Variants in DHRS2 observed in about 807,000 individuals in gnomAD.
DHRS2 encodes dehydrogenase/reductase SDR family member 2, mitochondrial.
In DHRS2, 29 loss-of-function variants were observed where a neutral mutation model predicts 26.3. The ratio of observed to expected loss-of-function variants is 1.10; its 90% CI spans 0.82 to 1.50. The LOEUF is 1.50. DHRS2 is among the 40% of genes most tolerant of loss of function. The pLI, the probability that DHRS2 is intolerant of heterozygous loss-of-function variation, is 0.00. For synonymous variants in DHRS2, 164 were observed against 151.3 expected, an observed-to-expected ratio of 1.08 and a Z score of -0.62; for missense variants, 439 against 367.1, an observed-to-expected ratio of 1.20 and a Z score of -1.60.
At chr14:23,640,425 G>C (rs2138382971) in intron 4 of DHRS2, 2 of 985,472 alleles carry the variant, frequency 2.0e-6, no homozygotes, top group Non-Finnish European at 2.4e-6. Flanking sequence ...AGACATCCCA[G>C]CCTGCTGTAA....
At chr14:23,641,293 C>T (rs908364645) in intron 4 of DHRS2, 4 of 177,978 alleles carry the variant, frequency 2.2e-5, no homozygotes, top group Non-Finnish European at 4.8e-5. Flanking sequence ...TCCAGGCAGA[C>T]CCCCCTTCTT....
At chr14:23,639,060 A>G in intron 2 of DHRS2, 56 bp downstream of exon 2, 3 of 1,599,294 alleles carry the variant, frequency 1.9e-6, no homozygotes, top group East Asian at 4.5e-5. Context: ...TGTGGCTTCC[A>G]CAAGGACTCA....
chr14:23,645,241 C>A lies in DHRS2; in HGVS notation c.831C>A (p.Ser277=). ...NGENIAVAGY[S]TRL Reference sequence around the variant, plus strand: ...AGAACATTGCGGTGGCAGGCTACTCCACTCGGCTCTGAGAGGAGTGGGGGC... The same window carrying A: ...AGAACATTGCGGTGGCAGGCTACTCAACTCGGCTCTGAGAGGAGTGGGGGC... The change falls in exon 9 of 9, where the codon TCC becomes TCA. Residue 277 remains serine (S), a synonymous_variant. Transcript: ENST00000250383. 6.2e-7 allele frequency: 1 copy of A among 1,614,172 alleles called. No homozygotes were observed. Among genetic ancestry groups the A allele is most frequent in the Non-Finnish European group, 8.5e-7 (1 of 1,180,038 alleles).
At position 23,636,505 on chromosome 14, in the gene DHRS2, C is replaced by T. The variant is rs897381703; in HGVS notation, c.-306C>T. On this transcript the variant is annotated 5_prime_UTR_variant, in exon 1 of 9. Coordinates refer to ENST00000250383, the MANE Select transcript of DHRS2 (RefSeq NM_005794.4). ...CACCGCGAAGGTCTGCAACTTCACT[C>T]CTGGGGCCAGCAAGACCACGAATGC... 2.0e-5 allele frequency: 3 copies of T among 152,294 alleles called. No homozygotes were observed. Among genetic ancestry groups the T allele is most frequent in the Non-Finnish European group, 4.4e-5 (3 of 68,132 alleles). The allele number at this position is 152,294 out of a possible 1,614,324, so 9.4% of individuals were successfully genotyped here.
In DHRS2 at chr14:23,644,965, G is replaced by A. The variant is rs752478303; in HGVS notation, c.731+83G>A. ...CTATTGCAAGAGCAGACCCCTCCCT[G>A]TCATCTGGCCATTGTTTTTGCTGAA... is the stretch of plus-strand genomic sequence containing the variant. On this transcript the variant is annotated intron_variant, in intron 8 of 8. Transcript: ENST00000250383. The A allele has an allele frequency of 2.6e-6, 4 of 1,567,200 alleles. No homozygotes were observed. The East Asian group carries it at 9.0e-5, about 35-fold the overall frequency.
intron 5 of DHRS2, 174 bp from the exon 6 acceptor site, chr14:23,643,937 G>A (rs762778898): frequency 3.0e-6 from 2 of 659,412 alleles, no homozygotes; most frequent in Non-Finnish European, 5.5e-6. Flanking sequence ...GCTCTGCCGT[G>A]TATTGGCTGG....
intron 3 of DHRS2, 29 bp downstream of exon 3, chr14:23,639,385 G>C (rs1218791928): frequency 6.5e-7 from 1 of 1,546,678 alleles, no homozygotes; most frequent in East Asian, 2.3e-5. Flanking sequence ...GAAGGACACA[G>C]AGAGGGGAAC....
intron 4 of DHRS2, chr14:23,641,826 G>T: frequency 7.9e-7 from 1 of 1,261,878 alleles, no homozygotes; most frequent in South Asian, 1.3e-5. Flanking sequence ...AGTGAGATTG[G>T]GGGGTGGAAA....
chr14:23,643,055 C>G (rs540179118), intron 4 of DHRS2, 97 bp from the exon 5 acceptor site: 3 of 1,182,130 alleles, frequency 2.5e-6, no homozygotes, highest in Non-Finnish European at 3.8e-6. Context: ...TACATTGGGT[C>G]TACTGCACAA....
rs749663977 is a variant in DHRS2 at position 23,643,203 on chromosome 14, C to A, written c.472C>A (p.Pro158Thr). ...SPALLLSQLL[P>T]YMENRRGAVI... ...AGCCCTGCTGCTGAGCCAGTTGCTG[C>A]CCTACATGGAGAACAGGTATGGCAG... is the stretch of plus-strand genomic sequence containing the variant. Residue 158 changes from proline to threonine, a missense_variant, in exon 5 of 9, where the codon CCC (proline) becomes ACC (threonine). By Grantham distance (38) the Pro-to-Thr change is conservative. Coordinates refer to ENST00000250383, the MANE Select transcript of DHRS2 (RefSeq NM_005794.4). 1.2e-6 allele frequency: 2 copies of A among 1,613,900 alleles called. No individual in the cohort carries two copies. Among genetic ancestry groups the A allele is most frequent in the African/African-American group, 2.7e-5 (2 of 74,926 alleles).
chr14:23,638,816 C>A lies in DHRS2; in HGVS notation c.-38-11C>A, dbSNP rs759092326. 1.3e-6 allele frequency: 2 copies of A among 1,588,758 alleles called. No individual in the cohort carries two copies. The highest frequency in any genetic ancestry group is 1.7e-6 in the Non-Finnish European group (2 of 1,164,652). Reference sequence around the variant, plus strand: ...GCATCAGTGATAAGTGAAATTGATTCTTTCCCCCAGGCCTGATTCAGCAGG... The same window carrying A: ...GCATCAGTGATAAGTGAAATTGATTATTTCCCCCAGGCCTGATTCAGCAGG... On this transcript the variant is annotated splice_polypyrimidine_tract_variant and intron_variant, in intron 1 of 8. Transcript: ENST00000250383.
rs370661385 is a variant in DHRS2, at chr14:23,639,166, T to C, written c.141-13T>C. 1 of 1,611,692 alleles carries C rather than the reference T, an allele frequency of 6.2e-7. No individual in the cohort carries two copies. Among genetic ancestry groups the C allele is most frequent in the African/African-American group, 1.3e-5 (1 of 74,890 alleles). Reference sequence around the variant, plus strand: ...GGCTGAGGCTGACTTTTGCCCTCCATCTCTGCATTCAGGATCGGCTTTGCC... The same window carrying C: ...GGCTGAGGCTGACTTTTGCCCTCCACCTCTGCATTCAGGATCGGCTTTGCC... On this transcript the variant is annotated splice_polypyrimidine_tract_variant and intron_variant, in intron 2 of 8. Transcript: ENST00000250383.
At chr14:23,639,756 C>T (rs1304644751) in intron 3 of DHRS2, 38 bp from the exon 4 acceptor site, 1 of 1,563,422 alleles carries the variant, frequency 6.4e-7, no homozygotes. Flanking sequence ...TAGTCCTCCT[C>T]AGGCCATCTC....
At chr14:23,642,596 TC>T (rs2138389613) in intron 4 of DHRS2, 1 of 153,306 alleles carries the variant, frequency 6.5e-6, no homozygotes, top group African/African-American at 2.4e-5. Context: ...AGACAGGGTC[TC>T]ACTCTGTCAC....
At chr14:23,644,319 G>A (rs1890785823) in intron 6 of DHRS2, 90 bp from the exon 7 acceptor site, 1 of 1,583,574 alleles carries the variant, frequency 6.3e-7, no homozygotes, top group Non-Finnish European at 8.7e-7. Context: ...GAGGGCTGCT[G>A]GGCCTGTGAG....
At chr14:23,640,508 C>A in intron 4 of DHRS2, 1 of 908,992 alleles carries the variant, frequency 1.1e-6, no homozygotes, top group Non-Finnish European at 1.3e-6. Flanking sequence ...TGAAGCTCAT[C>A]TTGGGCCTAG....
At chr14:23,639,060 A>C in intron 2 of DHRS2, 56 bp downstream of exon 2, 2 of 1,599,294 alleles carry the variant, frequency 1.3e-6, no homozygotes, top group Non-Finnish European at 1.7e-6. Flanking sequence ...TGTGGCTTCC[A>C]CAAGGACTCA....
At chr14:23,635,129 C>G (rs1312397066), upstream of DHRS2, among the ~76,000 whole-genome samples, 2 of 151,890 alleles carry the variant, frequency 1.3e-5, no homozygotes, top group African/African-American at 4.8e-5. Context: ...GTGGTGCAAT[C>G]TCAGCCTACC....
chr14:23,637,742 G>A (rs1460334489), intron 1 of DHRS2, among the ~76,000 whole-genome samples: 1 of 152,186 alleles, frequency 6.6e-6, no homozygotes, highest in Non-Finnish European at 1.5e-5. Context: ...TGGGGACTTG[G>A]AGAACTTTTG....
Sources: gnomAD v4.1 joint callset for allele counts (sites outside exome capture counted in the v4.1 genomes callset) on GRCh38, gnomAD v4.1.1 for gene constraint, MANE v1.5 for transcripts, NCBI Gene and HGNC (gene_info 2026-07-23, HGNC 2026-07-21) for gene names.